Variants in GALNT18 observed in about 807,000 individuals in gnomAD.
The protein encoded by GALNT18 is GalNAc-transferase 18.
GALNT18 carries 44 observed loss-of-function variants against 69.5 expected under a neutral mutation model. That is an observed-to-expected ratio of 0.63 (90% CI 0.50 to 0.81). The LOEUF is 0.81. GALNT18 is among the 40% of genes least tolerant of loss of function. The pLI is 0.00. For missense variants in GALNT18, 715 were observed against 810.0 expected (o/e 0.88, Z 1.42); for synonymous variants, 364 against 318.2 (o/e 1.14, Z -1.53).
chr11:11,453,836 C>G (rs985547886), intron 1 of GALNT18, among the ~76,000 whole-genome samples: 3 of 152,196 alleles, frequency 2.0e-5, no homozygotes, highest in Non-Finnish European at 4.4e-5. Context: ...GTCCATTAAG[C>G]CTTCTTTTCT....
In GALNT18 at chr11:11,415,222, C is replaced by T. The variant is rs1317139983; in HGVS notation, c.595+17399G>A. Among the ~76,000 whole-genome samples the T allele has an allele frequency of 1.3e-5, 2 of 152,168 alleles. No homozygotes were observed. ...TGTGATTATGTCAGGCCCAACCAAC[C>T]GATTGGGGACCTTAATTACGTCAGC... On this transcript the variant is annotated intron_variant, in intron 3 of 10. Coordinates refer to ENST00000227756, the MANE Select transcript of GALNT18 (RefSeq NM_198516.3). The surrounding 1 kb of genome is among the most constrained non-coding windows in gnomAD (Gnocchi z 4.1).
chr11:11,292,578 G>A (rs1006573179), intron 10 of GALNT18, among the ~76,000 whole-genome samples: 2 of 152,120 alleles, frequency 1.3e-5, no homozygotes, highest in Admixed American at 6.6e-5. Context: ...ACCCAGCACT[G>A]TCTACATCTG....
intron 1 of GALNT18, among the ~76,000 whole-genome samples, chr11:11,615,259 A>T (rs1031586134): frequency 7.2e-5 from 11 of 152,224 alleles, no homozygotes; most frequent in African/African-American, 2.7e-4. Flanking sequence ...ACAGAAAAAC[A>T]TCCAAGCTCA....
rs1341594481 is a variant in GALNT18, at chr11:11,271,308, C to T, written c.1678-18G>A. The T allele has an allele frequency of 1.2e-6, 2 of 1,610,562 alleles. No individual in the cohort carries two copies. Among genetic ancestry groups the T allele is most frequent in the African/African-American group, 1.3e-5 (1 of 75,010 alleles). On this transcript the variant is annotated intron_variant, in intron 10 of 10. Transcript: ENST00000227756. ...GGTCCTCCCTAGGGGCCAGGGCAGA[C>T]AGTGGGGTCAGAGGGCATAGAGGCA...
At chr11:11,400,115 C>G (rs1056306695) in intron 3 of GALNT18, among the ~76,000 whole-genome samples, 1 of 152,164 alleles carries the variant, frequency 6.6e-6, no homozygotes. Context: ...TGGACACTCT[C>G]TCTTGGATCA....
At chr11:11,442,488 C>T (rs1158579795) in intron 2 of GALNT18, among the ~76,000 whole-genome samples, 5 of 152,154 alleles carry the variant, frequency 3.3e-5, no homozygotes, top group Non-Finnish European at 7.4e-5. Flanking sequence ...TTCAAAGATG[C>T]CAGATGTCTC....
At chr11:11,437,619 T>C (rs56242828) in intron 2 of GALNT18, among the ~76,000 whole-genome samples, 12,424 of 152,112 alleles carry the variant, frequency 0.082, 716 homozygotes, top group Admixed American at 0.16. Context: ...AGATAAGACC[T>C]GGGGCGGTGG....
chr11:11,612,686 T>G (rs778283154), intron 1 of GALNT18, among the ~76,000 whole-genome samples: 1 of 152,224 alleles, frequency 6.6e-6, no homozygotes, highest in Non-Finnish European at 1.5e-5. Flanking sequence ...CTTGTTAAGA[T>G]GCAGCACTCA....
intron 1 of GALNT18, among the ~76,000 whole-genome samples, chr11:11,547,928 C>T (rs1390019711): frequency 6.6e-6 from 1 of 152,142 alleles, no homozygotes; most frequent in African/African-American, 2.4e-5. Flanking sequence ...CTGACAGGCC[C>T]TTGCATGTGC....
rs920744724 is a variant in GALNT18 at position 11,596,334 on chromosome 11, GTTT to G, written c.235+25022_235+25024del. 8.5e-5 allele frequency among the ~76,000 whole-genome samples: 13 copies of G among 152,104 alleles called. No homozygotes were observed. Among genetic ancestry groups the G allele is most frequent in the Admixed American group, 1.3e-4 (2 of 15,286 alleles). ...CAAAAAAATGTGAGTTGTCCATTTTGTTTTTGTTTTTCAAGATTATTTGGCTAG... is the reference window on the plus strand; with the variant it reads ...CAAAAAAATGTGAGTTGTCCATTTTGTTGTTTTTCAAGATTATTTGGCTAG... On this transcript the variant is annotated intron_variant, in intron 1 of 10. Coordinates refer to ENST00000227756, the MANE Select transcript of GALNT18 (RefSeq NM_198516.3). This position sits in a 1 kb window ranked among gnomAD's most constrained non-coding sequence, Gnocchi z 4.2.
intron 1 of GALNT18, among the ~76,000 whole-genome samples, chr11:11,515,229 A>C (rs1239818131): frequency 6.6e-6 from 1 of 152,194 alleles, no homozygotes; most frequent in Non-Finnish European, 1.5e-5. Flanking sequence ...TAGGCACAGC[A>C]AATGACCCGT....
chr11:11,344,196 C>T lies in GALNT18; in HGVS notation c.1093-3192G>A, dbSNP rs969338256. Among the ~76,000 whole-genome samples the T allele has an allele frequency of 1.1e-4, 16 of 152,142 alleles. No homozygotes were observed. In the East Asian group the frequency reaches 2.3e-3, roughly 22 times the overall value. Reference sequence around the variant, plus strand: ...AGCCCTGACCTTGTGCTCCCCAATACACTCTCTGCTACAGCCTCTATGCTG... The same window carrying T: ...AGCCCTGACCTTGTGCTCCCCAATATACTCTCTGCTACAGCCTCTATGCTG... On this transcript the variant is annotated intron_variant, in intron 6 of 10. Coordinates refer to ENST00000227756, the MANE Select transcript of GALNT18 (RefSeq NM_198516.3).
In GALNT18 at chr11:11,315,003, A is replaced by T. The variant is rs997939194; in HGVS notation, c.1512+12083T>A. 6.6e-6 allele frequency among the ~76,000 whole-genome samples: 1 copy of T among 151,954 alleles called. No individual in the cohort carries two copies. The highest frequency in any genetic ancestry group is 1.5e-5 in the Non-Finnish European group (1 of 68,000). On this transcript the variant is annotated intron_variant, in intron 9 of 10. Transcript: ENST00000227756. The surrounding 1 kb of genome is among the most constrained non-coding windows in gnomAD (Gnocchi z 5.6). The stretch of plus-strand genomic sequence containing the variant: ...TAAGATTACATCAACTGACATACTG[A>T]AAGTGTCTAGCAGAGATGGACACAT...
At chr11:11,291,225 A>G (rs1205739230) in intron 10 of GALNT18, among the ~76,000 whole-genome samples, 1 of 152,112 alleles carries the variant, frequency 6.6e-6, no homozygotes, top group Non-Finnish European at 1.5e-5. Context: ...GGGAGGTGGG[A>G]GGATGAACAC....
chr11:11,341,039 C>G lies in GALNT18; in HGVS notation c.1093-35G>C. On this transcript the variant is annotated intron_variant, in intron 6 of 10. Transcript: ENST00000227756. The surrounding 1 kb of genome is among the most constrained non-coding windows in gnomAD (Gnocchi z 6.3). Reference sequence around the variant, plus strand: ...ACATGGAGCCACTTGTCAGAGCCTGCCTGGCTCTGCCTTTCTACACCAGGC... The same window carrying G: ...ACATGGAGCCACTTGTCAGAGCCTGGCTGGCTCTGCCTTTCTACACCAGGC... The G allele has an allele frequency of 6.5e-7, 1 of 1,545,452 alleles. No homozygotes were observed. Among genetic ancestry groups the G allele is most frequent in the Non-Finnish European group, 8.8e-7 (1 of 1,141,202 alleles).
chr11:11,403,064 G>A (rs1854503608), intron 3 of GALNT18, among the ~76,000 whole-genome samples: 1 of 152,204 alleles, frequency 6.6e-6, no homozygotes, highest in Non-Finnish European at 1.5e-5. Context: ...GGAGATGAGA[G>A]GACACAGACA....
chr11:11,534,287 C>A (rs572420246), intron 1 of GALNT18, among the ~76,000 whole-genome samples: 1 of 152,172 alleles, frequency 6.6e-6, no homozygotes, highest in African/African-American at 2.4e-5. Context: ...CAAAGAGACA[C>A]ACAATGACCA....
chr11:11,377,836 C>G lies in GALNT18; in HGVS notation c.780-457G>C, dbSNP rs1853806628. ...CAGAGACTAGGAGCTGAGAACAAAC[C>G]TACATCCACCAGCCATGCGATGTTG... is the stretch of plus-strand genomic sequence containing the variant. On this transcript the variant is annotated intron_variant, in intron 4 of 10. Transcript: ENST00000227756. The surrounding 1 kb of genome is among the most constrained non-coding windows in gnomAD (Gnocchi z 4.6). Among the ~76,000 whole-genome samples, 1 of 152,110 alleles carries G rather than the reference C, an allele frequency of 6.6e-6. No individual in the cohort carries two copies. The highest frequency in any genetic ancestry group is 1.5e-5 in the Non-Finnish European group (1 of 68,038).
chr11:11,293,012 G>A lies in GALNT18; in HGVS notation c.1677+17C>T. On this transcript the variant is annotated intron_variant, in intron 10 of 10. Coordinates refer to ENST00000227756, the MANE Select transcript of GALNT18 (RefSeq NM_198516.3). ...TCCACGATGGCTGCCACTGTGCCCG[G>A]GCTCTGGGGCTGTTACCTGAGAGAA... is the stretch of plus-strand genomic sequence containing the variant. 7.4e-7 allele frequency: 1 copy of A among 1,352,828 alleles called. No individual in the cohort carries two copies. The highest frequency in any genetic ancestry group is 9.6e-7 in the Non-Finnish European group (1 of 1,042,624). 83.8% of individuals were successfully genotyped at this position (1,352,828 alleles called of 1,614,324 possible). A position where few individuals can be genotyped will look rare whatever the true frequency, so the allele number is the denominator to read the frequency against.
Sources: allele counts gnomAD v4.1 joint callset (sites outside exome capture counted in the v4.1 genomes callset), GRCh38; gene constraint gnomAD v4.1.1; non-coding constraint Gnocchi (gnomAD v3.1); transcripts MANE v1.5; gene names NCBI Gene and HGNC (gene_info 2026-07-23, HGNC 2026-07-21).